FSTL5: variants seen among roughly 807,000 people sequenced by gnomAD.
The protein encoded by FSTL5 is follistatin like 5.
In FSTL5, 62 loss-of-function variants were observed where a neutral mutation model predicts 89.1. The ratio of observed to expected loss-of-function variants is 0.70; its 90% CI spans 0.57 to 0.86. FSTL5 has a LOEUF of 0.86. Among genes scored for constraint, FSTL5 ranks in the 40% least tolerant of loss-of-function variants. FSTL5 has a pLI of 0.00. For missense variants in FSTL5, 1,057 were observed against 1,001.6 expected, an observed-to-expected ratio of 1.06 and a Z score of -0.75; for synonymous variants, 383 against 346.2, an observed-to-expected ratio of 1.11 and a Z score of -1.18.
chr4:161,737,325 G>A (rs1469988167), intron 6 of FSTL5, among the ~76,000 whole-genome samples: 2 of 151,940 alleles, frequency 1.3e-5, no homozygotes, highest in African/African-American at 4.8e-5. Context: ...TTGTGGTCTC[G>A]TACTGAGGAA....
chr4:161,831,136 G>C (rs563007592), intron 4 of FSTL5, among the ~76,000 whole-genome samples: 2 of 151,810 alleles, frequency 1.3e-5, no homozygotes, highest in Non-Finnish European at 2.9e-5. Context: ...TGGTAACTAT[G>C]TGAAACGATG....
chr4:161,714,424 T>A (rs531236455), intron 6 of FSTL5, among the ~76,000 whole-genome samples: 1 of 152,070 alleles, frequency 6.6e-6, no homozygotes, highest in African/African-American at 2.4e-5. Context: ...CATAAAACAT[T>A]CCAGAAATAA....
At chr4:162,071,416 T>C (rs1729617923) in intron 2 of FSTL5, among the ~76,000 whole-genome samples, 1 of 151,730 alleles carries the variant, frequency 6.6e-6, no homozygotes, top group South Asian at 2.1e-4. Flanking sequence ...TATATAATAA[T>C]ATAGGAATCA....
At chr4:161,664,421 C>T (rs1421069890) in intron 6 of FSTL5, among the ~76,000 whole-genome samples, 2 of 152,152 alleles carry the variant, frequency 1.3e-5, no homozygotes, top group African/African-American at 4.8e-5. Flanking sequence ...CAAAGTTTCA[C>T]AAATCTCTAG....
intron 12 of FSTL5, among the ~76,000 whole-genome samples, chr4:161,489,533 C>T (rs918776421): frequency 2.0e-5 from 3 of 151,824 alleles, no homozygotes; most frequent in African/African-American, 7.3e-5. Context: ...CTAATTTAAA[C>T]CTAGTATGGA....
intron 8 of FSTL5, among the ~76,000 whole-genome samples, chr4:161,574,590 C>T (rs1463439402): frequency 6.6e-6 from 1 of 152,106 alleles, no homozygotes; most frequent in Non-Finnish European, 1.5e-5. Flanking sequence ...TCAACTCCCA[C>T]TTATGAGTGA....
intron 5 of FSTL5, among the ~76,000 whole-genome samples, chr4:161,772,137 C>G (rs566870260): frequency 6.6e-6 from 1 of 152,048 alleles, no homozygotes; most frequent in African/African-American, 2.4e-5. Flanking sequence ...TGAAGAGAAA[C>G]TCAAGAATAC....
chr4:161,633,727 A>G (rs1235801957), intron 7 of FSTL5, among the ~76,000 whole-genome samples: 1 of 152,154 alleles, frequency 6.6e-6, no homozygotes, highest in Non-Finnish European at 1.5e-5. Flanking sequence ...AGATGTATGG[A>G]GCTGAAAACA....
At chr4:161,698,199 G>A (rs1409663009) in intron 6 of FSTL5, among the ~76,000 whole-genome samples, 2 of 152,038 alleles carry the variant, frequency 1.3e-5, no homozygotes, top group African/African-American at 4.8e-5. Flanking sequence ...GAAACAAGTG[G>A]GCCCTCACCA....
chr4:161,938,970 T>C lies in FSTL5; in HGVS notation c.161-18318A>G, dbSNP rs781644998. ...ATAATTTAAAAATCATATTTGTTGC[T>C]TTAGTCCTCAGTTAAAAGGGCAATT... On this transcript the variant is annotated intron_variant, in intron 3 of 15. Coordinates refer to ENST00000306100, the MANE Select transcript of FSTL5 (RefSeq NM_020116.5). Among the ~76,000 whole-genome samples, 53 of 152,100 alleles carry C rather than the reference T, an allele frequency of 3.5e-4. No homozygotes were observed. The South Asian group carries it at 4.3e-3, about 12-fold the overall frequency.
At chr4:162,068,042 C>CA (rs1385931931) in intron 2 of FSTL5, among the ~76,000 whole-genome samples, 2 of 151,540 alleles carry the variant, frequency 1.3e-5, no homozygotes, top group Non-Finnish European at 2.9e-5. Flanking sequence ...CTCAAGGAAA[C>CA]AATAAAAAAT....
chr4:161,492,437 T>C (rs77078456), intron 12 of FSTL5, among the ~76,000 whole-genome samples: 4,791 of 152,274 alleles, frequency 0.031, 246 homozygotes, highest in African/African-American at 0.1. Context: ...ATGTCTATTA[T>C]TAACTTTTAG....
intron 6 of FSTL5, among the ~76,000 whole-genome samples, chr4:161,738,565 C>G (rs1739898765): frequency 6.6e-6 from 1 of 151,920 alleles, no homozygotes; most frequent in African/African-American, 2.4e-5. Flanking sequence ...GACCCAGATA[C>G]CAGGATAATT....
rs555004519 is a variant in FSTL5, at chr4:162,107,587, C to A, written c.126+3684G>T. On this transcript the variant is annotated intron_variant, in intron 2 of 15. Transcript: ENST00000306100. ...TAAGTATTGCTTCCTCGTGAGTCTT[C>A]ATGGGGAGGTTGGCCTAAATGAGGA... Among the ~76,000 whole-genome samples the A allele has an allele frequency of 2.2e-4, 33 of 152,222 alleles. No homozygotes were observed. In the South Asian group the frequency reaches 6.2e-3, roughly 29 times the overall value.
chr4:162,131,221 G>T (rs561584662), intron 1 of FSTL5, among the ~76,000 whole-genome samples: 51 of 152,166 alleles, frequency 3.4e-4, no homozygotes, highest in African/African-American at 1.0e-3. Context: ...AGAATCTCAG[G>T]TATTATCTGA....
intron 15 of FSTL5, among the ~76,000 whole-genome samples, chr4:161,452,386 G>T (rs1733195748): frequency 6.6e-6 from 1 of 151,978 alleles, no homozygotes; most frequent in Admixed American, 6.6e-5. Context: ...TGAGACAGGA[G>T]AATTGCTTGA....
At chr4:161,613,682 C>T (rs1734738120) in intron 7 of FSTL5, among the ~76,000 whole-genome samples, 1 of 152,154 alleles carries the variant, frequency 6.6e-6, no homozygotes, top group Non-Finnish European at 1.5e-5. Context: ...TTACATTTCA[C>T]ATCTATTCAC....
intron 3 of FSTL5, among the ~76,000 whole-genome samples, chr4:161,932,710 A>T (rs1015663031): frequency 1.3e-5 from 2 of 151,876 alleles, no homozygotes; most frequent in Admixed American, 6.6e-5. Flanking sequence ...AGCCAATATG[A>T]TTTTTCAAGT....
At chr4:162,114,125 A>G (rs1238032020) in intron 1 of FSTL5, among the ~76,000 whole-genome samples, 21 of 152,186 alleles carry the variant, frequency 1.4e-4, no homozygotes, top group Admixed American at 1.3e-3. Flanking sequence ...CACTGATGCT[A>G]CAAAGCTTCT....
Sources: gnomAD v4.1 joint callset for allele counts (sites outside exome capture counted in the v4.1 genomes callset) on GRCh38, gnomAD v4.1.1 for gene constraint, MANE v1.5 for transcripts, NCBI Gene and HGNC (gene_info 2026-07-23, HGNC 2026-07-21) for gene names.